Variants in ADGRB3 observed in about 807,000 individuals in gnomAD.
ADGRB3 encodes the protein adhesion G protein-coupled receptor B3.
A neutral mutation model predicts 193.4 loss-of-function variants in ADGRB3; 37 were observed. The observed-to-expected ratio is 0.19, with a 90% CI of 0.15 to 0.25. ADGRB3 has a LOEUF of 0.25. Among genes scored for constraint, ADGRB3 ranks in the 10% least tolerant of loss-of-function variants. ADGRB3 has a pLI of 1.00. For missense variants in ADGRB3, 1,637 were observed against 1,852.9 expected (o/e 0.88, Z 2.14); for synonymous variants, 690 against 644.2 (o/e 1.07, Z -1.08).
intron 15 of ADGRB3, among the ~76,000 whole-genome samples, chr6:69,052,844 A>C (rs1269654471): frequency 6.6e-6 from 1 of 152,198 alleles, no homozygotes; most frequent in Non-Finnish European, 1.5e-5. Context: ...AATATGTGTT[A>C]TTCTCAGCCT....
intron 3 of ADGRB3, among the ~76,000 whole-genome samples, chr6:68,820,855 A>T (rs2127380091): frequency 6.6e-6 from 1 of 152,212 alleles, no homozygotes; most frequent in South Asian, 2.1e-4. Context: ...ATGTTATAAC[A>T]AAACAAAGAC....
intron 3 of ADGRB3, among the ~76,000 whole-genome samples, chr6:68,764,174 T>G (rs1175265377): frequency 6.6e-6 from 1 of 152,182 alleles, no homozygotes. Flanking sequence ...CGACCATCAG[T>G]ATTTAATGTT....
chr6:69,386,412 A>T (rs2127243071), intron 31 of ADGRB3, among the ~76,000 whole-genome samples: 1 of 152,056 alleles, frequency 6.6e-6, no homozygotes, highest in South Asian at 2.1e-4. Flanking sequence ...TTTAGACACA[A>T]CCCTCGTGTA....
At chr6:68,812,573 A>G (rs889381915) in intron 3 of ADGRB3, among the ~76,000 whole-genome samples, 2 of 152,182 alleles carry the variant, frequency 1.3e-5, no homozygotes, top group African/African-American at 4.8e-5. Context: ...AGTGATATAT[A>G]TAAAATGTGA....
chr6:69,078,327 A>G (rs1772291372), intron 17 of ADGRB3, among the ~76,000 whole-genome samples: 1 of 152,012 alleles, frequency 6.6e-6, no homozygotes, highest in Admixed American at 6.6e-5. Context: ...ACTGATCATC[A>G]CCATCTTGGG....
At chr6:69,174,740 C>T (rs531224749) in intron 17 of ADGRB3, among the ~76,000 whole-genome samples, 1 of 152,316 alleles carries the variant, frequency 6.6e-6, no homozygotes, top group Non-Finnish European at 1.5e-5. Context: ...TACAAGCATT[C>T]TCTTTTCTCC....
At chr6:68,770,833 G>A (rs1218345017) in intron 3 of ADGRB3, among the ~76,000 whole-genome samples, 1 of 152,122 alleles carries the variant, frequency 6.6e-6, no homozygotes, top group African/African-American at 2.4e-5. Context: ...GAGTCCCACA[G>A]TCAGACACAC....
chr6:69,292,344 C>T (rs1407401894), intron 20 of ADGRB3, among the ~76,000 whole-genome samples: 6 of 152,020 alleles, frequency 3.9e-5, no homozygotes, highest in African/African-American at 1.5e-4. Context: ...GCAAATTACC[C>T]CCCAGGTCAT....
chr6:69,360,974 G>A lies in ADGRB3; in HGVS notation c.3701G>A (p.Gly1234Glu). The A allele has an allele frequency of 1.9e-6, 3 of 1,612,628 alleles. No individual in the cohort carries two copies. The highest frequency in any genetic ancestry group is 2.5e-6 in the Non-Finnish European group (3 of 1,179,170). Reference sequence around the variant, plus strand: ...GAAGAAAAGGGAACAAACCCTGAAGGGCTAAGCTATTCAACATTGCCTGGA... The same window carrying A: ...GAAGAAAAGGGAACAAACCCTGAAGAGCTAAGCTATTCAACATTGCCTGGA... ...DEEEKGTNPE[G>E]LSYSTLPGNV... The change falls in exon 29 of 32, where the codon GGG becomes GAG. Residue 1234 changes from glycine to glutamate, a missense_variant. By Grantham distance (98) the Gly-to-Glu change is moderately conservative. Around this residue, in one of 7 missense-constraint regions of ADGRB3, gnomAD observed 368 missense variants for 367.4 expected, o/e 1.00. Coordinates refer to ENST00000370598, the MANE Select transcript of ADGRB3 (RefSeq NM_001704.3).
intron 4 of ADGRB3, among the ~76,000 whole-genome samples, 153 bp downstream of exon 4, chr6:68,930,822 G>GT (rs1404631018): frequency 6.6e-6 from 1 of 151,970 alleles, no homozygotes; most frequent in African/African-American, 2.4e-5. Flanking sequence ...CATAAATAAA[G>GT]TAGCTGTGAA....
intron 20 of ADGRB3, among the ~76,000 whole-genome samples, chr6:69,276,018 T>G (rs1469398074): frequency 6.6e-6 from 1 of 152,202 alleles, no homozygotes; most frequent in Non-Finnish European, 1.5e-5. Context: ...ATTTACTAAG[T>G]TCTTTGGATG....
At chr6:68,667,848 T>C (rs1412100860) in intron 3 of ADGRB3, among the ~76,000 whole-genome samples, 1 of 151,880 alleles carries the variant, frequency 6.6e-6, no homozygotes, top group Non-Finnish European at 1.5e-5. Flanking sequence ...CTAGGGCTAG[T>C]GTTCTGGAAA....
intron 17 of ADGRB3, among the ~76,000 whole-genome samples, chr6:69,172,021 G>A (rs1454872378): frequency 1.3e-5 from 2 of 152,148 alleles, no homozygotes; most frequent in East Asian, 3.9e-4. Flanking sequence ...CAGCGCTGGT[G>A]CAATAGCAGC....
chr6:68,766,717 C>T (rs931873818), intron 3 of ADGRB3, among the ~76,000 whole-genome samples: 1 of 151,438 alleles, frequency 6.6e-6, no homozygotes, highest in African/African-American at 2.4e-5. Context: ...ACTTCTTGTC[C>T]CACTCTTCAT....
At chr6:68,772,881 AC>A (rs1167343609) in intron 3 of ADGRB3, among the ~76,000 whole-genome samples, 23,581 of 47,582 alleles carry the variant, frequency 0.5, 4,489 homozygotes, top group East Asian at 0.67. Flanking sequence ...AAACAAACAA[AC>A]AAAAAAAAAA....
At chr6:69,128,963 T>A (rs1224619934) in intron 17 of ADGRB3, among the ~76,000 whole-genome samples, 1 of 152,160 alleles carries the variant, frequency 6.6e-6, no homozygotes, top group African/African-American at 2.4e-5. Context: ...ATAGACCAGT[T>A]CGTTTCAAGT....
intron 3 of ADGRB3, among the ~76,000 whole-genome samples, chr6:68,817,451 T>G (rs1767659812): frequency 6.7e-6 from 1 of 149,942 alleles, no homozygotes; most frequent in East Asian, 2.0e-4. Flanking sequence ...TTTTTTCACA[T>G]CTAAGCACTC....
chr6:69,156,292 G>C (rs2050918), intron 17 of ADGRB3, among the ~76,000 whole-genome samples: 115,012 of 152,118 alleles, frequency 0.76, 44,387 homozygotes, highest in East Asian at 0.9. Flanking sequence ...ATGACTGTGT[G>C]AGCAGGGAGG....
intron 20 of ADGRB3, among the ~76,000 whole-genome samples, chr6:69,278,971 T>TA (rs1405870267): frequency 1.3e-5 from 2 of 150,128 alleles, no homozygotes; most frequent in Admixed American, 6.7e-5. Flanking sequence ...ATGAAAGCTT[T>TA]AAAAAAAGTT....
Sources: allele counts gnomAD v4.1 joint callset (sites outside exome capture counted in the v4.1 genomes callset), GRCh38; gene constraint gnomAD v4.1.1; regional missense constraint gnomAD v4.1.1; transcripts MANE v1.5; gene names NCBI Gene and HGNC (gene_info 2026-07-23, HGNC 2026-07-21).